ARHGAP26: variants seen among roughly 807,000 people sequenced by gnomAD.
ARHGAP26 encodes Rho GTPase activating protein 26.
ARHGAP26 carries 38 observed loss-of-function variants against 104.8 expected under a neutral mutation model. The ratio of observed to expected loss-of-function variants is 0.36; its 90% CI spans 0.28 to 0.48. ARHGAP26 has a LOEUF of 0.48. ARHGAP26 is among the 20% of genes least tolerant of loss of function. ARHGAP26 has a pLI of 0.99. For missense variants in ARHGAP26, 704 were observed against 947.9 expected, an observed-to-expected ratio of 0.74 and a Z score of 3.38; for synonymous variants, 341 against 340.0, an observed-to-expected ratio of 1.00 and a Z score of -0.03.
intron 17 of ARHGAP26, among the ~76,000 whole-genome samples, chr5:143,114,086 G>A (rs1160096146): frequency 2.0e-5 from 3 of 152,150 alleles, no homozygotes; most frequent in Non-Finnish European, 4.4e-5. Flanking sequence ...GGGTTCTCCT[G>A]TTAGGAGACA....
chr5:143,197,922 A>G (rs1309790200), intron 20 of ARHGAP26, among the ~76,000 whole-genome samples: 1 of 152,222 alleles, frequency 6.6e-6, no homozygotes, highest in African/African-American at 2.4e-5. Flanking sequence ...GGCCCATGAT[A>G]AATTCCTAAC....
chr5:143,186,824 G>A (rs1471523325), intron 20 of ARHGAP26, among the ~76,000 whole-genome samples: 1 of 152,204 alleles, frequency 6.6e-6, no homozygotes, highest in Non-Finnish European at 1.5e-5. Context: ...TAGAATGAAA[G>A]CTCTAGAACC....
intron 1 of ARHGAP26, among the ~76,000 whole-genome samples, chr5:142,839,033 C>A (rs1489933045): frequency 6.6e-6 from 1 of 152,204 alleles, no homozygotes; most frequent in African/African-American, 2.4e-5. Context: ...AAAAAAAGTA[C>A]CTTCCTGGAC....
At chr5:142,961,688 G>C (rs1430295494) in intron 11 of ARHGAP26, among the ~76,000 whole-genome samples, 1 of 152,154 alleles carries the variant, frequency 6.6e-6, no homozygotes, top group Non-Finnish European at 1.5e-5. Context: ...ATCATAGTAA[G>C]AGATAAAGTC....
chr5:143,185,063 G>T (rs1305887554), intron 20 of ARHGAP26, among the ~76,000 whole-genome samples: 4 of 152,092 alleles, frequency 2.6e-5, no homozygotes, highest in Non-Finnish European at 5.9e-5. Context: ...AATACTGATG[G>T]TTGGGTAGTT....
At chr5:143,113,532 T>C (rs1795029336) in intron 17 of ARHGAP26, among the ~76,000 whole-genome samples, 1 of 152,122 alleles carries the variant, frequency 6.6e-6, no homozygotes, top group African/African-American at 2.4e-5. Flanking sequence ...TCTCCTCCTC[T>C]CTCAATCTTA....
intron 1 of ARHGAP26, among the ~76,000 whole-genome samples, chr5:142,836,086 C>G (rs1174849473): frequency 6.6e-6 from 1 of 152,214 alleles, no homozygotes; most frequent in Non-Finnish European, 1.5e-5. Flanking sequence ...CGTACATTGA[C>G]TTGGTGTCTG....
chr5:143,168,897 A>G (rs372671216), intron 20 of ARHGAP26: 20 of 152,338 alleles, frequency 1.3e-4, no homozygotes, highest in African/African-American at 4.8e-4. Flanking sequence ...TTCACTTACT[A>G]TGCTAAACCT....
intron 5 of ARHGAP26, among the ~76,000 whole-genome samples, chr5:142,890,873 G>A (rs1409569767): frequency 6.6e-6 from 1 of 152,210 alleles, no homozygotes; most frequent in Non-Finnish European, 1.5e-5. Flanking sequence ...CACCAGCTAG[G>A]ACATTGTAGC....
At chr5:143,125,460 GTGCACTAACGACATGCTTACCC>G (rs2150830298) in intron 18 of ARHGAP26, among the ~76,000 whole-genome samples, 1 of 152,322 alleles carries the variant, frequency 6.6e-6, no homozygotes, top group African/African-American at 2.4e-5. Context: ...GTCAGATAGA[GTGCACTAACGACATGCTTACCC>G]TGTCACAATG....
chr5:142,848,785 A>G (rs944185141), intron 1 of ARHGAP26, among the ~76,000 whole-genome samples: 2 of 152,188 alleles, frequency 1.3e-5, no homozygotes, highest in East Asian at 1.9e-4. Flanking sequence ...TCCTTAAGAC[A>G]GGGGCCTGCT....
chr5:142,799,631 G>C (rs1159882573), intron 1 of ARHGAP26, among the ~76,000 whole-genome samples: 1 of 152,164 alleles, frequency 6.6e-6, no homozygotes, highest in Non-Finnish European at 1.5e-5. Flanking sequence ...AAATTCTGGA[G>C]GCTGGGAAGT....
chr5:142,801,502 G>A (rs1762067769), intron 1 of ARHGAP26, among the ~76,000 whole-genome samples: 5 of 151,724 alleles, frequency 3.3e-5, no homozygotes, highest in Admixed American at 2.6e-4. Context: ...TGGTAAATAC[G>A]GACAAACATA....
intron 11 of ARHGAP26, among the ~76,000 whole-genome samples, chr5:142,983,377 T>C (rs1351739463): frequency 6.6e-6 from 1 of 152,190 alleles, no homozygotes; most frequent in East Asian, 1.9e-4. Flanking sequence ...TGGCTAATTT[T>C]GTATTACTAG....
intron 8 of ARHGAP26, among the ~76,000 whole-genome samples, chr5:142,906,958 T>C (rs1272669528): frequency 6.6e-6 from 1 of 152,212 alleles, no homozygotes; most frequent in African/African-American, 2.4e-5. Context: ...GCAGGCTGAC[T>C]AATGCCTTCT....
intron 11 of ARHGAP26, among the ~76,000 whole-genome samples, chr5:143,009,406 C>T (rs1394153151): frequency 6.6e-6 from 1 of 152,176 alleles, no homozygotes; most frequent in African/African-American, 2.4e-5. Context: ...GAGTTCCTGT[C>T]TGGACTCTGC....
intron 20 of ARHGAP26, among the ~76,000 whole-genome samples, chr5:143,149,581 C>T (rs1799567006): frequency 6.6e-6 from 1 of 152,154 alleles, no homozygotes; most frequent in South Asian, 2.1e-4. Flanking sequence ...CAAATGGACC[C>T]ACAGTACTTT....
chr5:143,184,668 CA>C (rs1804880673), intron 20 of ARHGAP26, among the ~76,000 whole-genome samples: 1 of 152,104 alleles, frequency 6.6e-6, no homozygotes, highest in African/African-American at 2.4e-5. Flanking sequence ...TGCAGTGGTT[CA>C]GAGAAGTCCC....
intron 1 of ARHGAP26, among the ~76,000 whole-genome samples, chr5:142,870,432 T>C (rs1416976867): frequency 6.6e-6 from 1 of 152,180 alleles, no homozygotes; most frequent in East Asian, 1.9e-4. Flanking sequence ...TTTACCTTAA[T>C]GGGGTGAAGT....
Sources: allele counts gnomAD v4.1 joint callset (sites outside exome capture counted in the v4.1 genomes callset), GRCh38; gene constraint gnomAD v4.1.1; transcripts MANE v1.5; gene names NCBI Gene and HGNC (gene_info 2026-07-23, HGNC 2026-07-21).